CFAP263: variants seen among roughly 807,000 people sequenced by gnomAD.
CFAP263 encodes cilia- and flagella-associated protein 263.
At chr16:58,254,345 AT>A in the CFAP263 span, among the ~76,000 whole-genome samples, 1 of 152,104 alleles carries the variant, frequency 6.6e-6, no homozygotes, top group East Asian at 1.9e-4. Context: ...ATTTTTGAAC[AT>A]TTTTTTAATG....
the CFAP263 span, among the ~76,000 whole-genome samples, chr16:58,279,000 T>C: frequency 6.6e-6 from 1 of 151,972 alleles, no homozygotes; most frequent in Non-Finnish European, 1.5e-5. Context: ...AATGAGATAG[T>C]GATGGATTTT....
the CFAP263 span, chr16:58,254,035 T>A: frequency 6.2e-7 from 1 of 1,614,174 alleles, no homozygotes; most frequent in Non-Finnish European, 8.5e-7. Context: ...CGGACAGGTA[T>A]GGACCGTGGG....
chr16:58,279,812 G>T, the CFAP263 span: 2 of 1,512,728 alleles, frequency 1.3e-6, no homozygotes, highest in South Asian at 2.3e-5. Context: ...ACCACTACAT[G>T]ACCTATAAAA....
the CFAP263 span, among the ~76,000 whole-genome samples, chr16:58,264,172 C>G: frequency 6.6e-6 from 1 of 152,218 alleles, no homozygotes; most frequent in Non-Finnish European, 1.5e-5. Context: ...TATCTGATCA[C>G]TGTTATTTAT....
At chr16:58,274,691 C>T in the CFAP263 span, among the ~76,000 whole-genome samples, 1 of 152,298 alleles carries the variant, frequency 6.6e-6, no homozygotes, top group East Asian at 1.9e-4. Flanking sequence ...CCTGAGGCCT[C>T]CCTAGCCATG....
At chr16:58,259,178 G>A in the CFAP263 span, among the ~76,000 whole-genome samples, 1 of 152,056 alleles carries the variant, frequency 6.6e-6, no homozygotes, top group African/African-American at 2.4e-5. Context: ...AGCCTATCTA[G>A]AGAGGTGACT....
At chr16:58,275,279 C>T in the CFAP263 span, among the ~76,000 whole-genome samples, 1 of 148,050 alleles carries the variant, frequency 6.8e-6, no homozygotes, top group Non-Finnish European at 1.5e-5. Flanking sequence ...GAGTCTGCAG[C>T]TCCCAAGTGT....
chr16:58,282,473 A>C, the CFAP263 span: 1 of 152,346 alleles, frequency 6.6e-6, no homozygotes, highest in African/African-American at 2.4e-5. Context: ...TTTTCCAAGG[A>C]AGCCACACCA....
At chr16:58,277,126 AT>A in the CFAP263 span, among the ~76,000 whole-genome samples, 1 of 150,800 alleles carries the variant, frequency 6.6e-6, no homozygotes, top group South Asian at 2.1e-4. Context: ...TAATGTTAAA[AT>A]TTTTTTTTAA....
the CFAP263 span, among the ~76,000 whole-genome samples, chr16:58,261,920 T>G: frequency 6.6e-6 from 1 of 152,166 alleles, no homozygotes; most frequent in African/African-American, 2.4e-5. Context: ...ATCGGTGGGC[T>G]GCTTGTCCTG....
chr16:58,266,395 ATATATATATATTT>A, the CFAP263 span, among the ~76,000 whole-genome samples: 4 of 36,484 alleles, frequency 1.1e-4, no homozygotes, highest in South Asian at 9.6e-4. Context: ...ATATATATAT[ATATATATATATTT>A]TTTTTTTTTT....
chr16:58,269,884 A>G, the CFAP263 span, among the ~76,000 whole-genome samples: 3 of 152,222 alleles, frequency 2.0e-5, no homozygotes, highest in Non-Finnish European at 2.9e-5. Context: ...TGGGTTATAC[A>G]TGGTAATTCT....
chr16:58,273,776 T>C, the CFAP263 span, among the ~76,000 whole-genome samples: 1 of 152,182 alleles, frequency 6.6e-6, no homozygotes, highest in Non-Finnish European at 1.5e-5. Flanking sequence ...TTAGGTGATA[T>C]AGGAATTCTT....
chr16:58,280,855 C>T, the CFAP263 span: 7 of 1,192,880 alleles, frequency 5.9e-6, no homozygotes, highest in Non-Finnish European at 8.0e-6. Flanking sequence ...AAATGTTTTA[C>T]GCTGGTTCTC....
the CFAP263 span, among the ~76,000 whole-genome samples, chr16:58,276,979 TAA>T: frequency 6.6e-6 from 1 of 152,184 alleles, no homozygotes; most frequent in African/African-American, 2.4e-5. Flanking sequence ...GCACAAAACC[TAA>T]AAACAGTGTA....
the CFAP263 span, chr16:58,267,402 A>C: frequency 1.0e-6 from 1 of 997,028 alleles, no homozygotes; most frequent in Non-Finnish European, 1.6e-6. Flanking sequence ...TCTGTTCGTT[A>C]ACAAAGAGAT....
chr16:58,258,243 C>G, the CFAP263 span: 2 of 762,666 alleles, frequency 2.6e-6, no homozygotes, highest in South Asian at 3.8e-5. Context: ...AGGATATGTT[C>G]CTAAGACTAA....
chr16:58,252,583 C>G, the CFAP263 span: 1 of 624,340 alleles, frequency 1.6e-6, no homozygotes, highest in East Asian at 2.8e-5. Context: ...AAGTTAAGTG[C>G]TATTCTTAAT....
chr16:58,274,857 T>C, the CFAP263 span, among the ~76,000 whole-genome samples: 15,929 of 152,230 alleles, frequency 0.1, 963 homozygotes, highest in Admixed American at 0.13. Context: ...CAGTGGACAA[T>C]TTTTCCCGTA....
Sources: allele counts gnomAD v4.1 joint callset (sites outside exome capture counted in the v4.1 genomes callset), GRCh38; gene constraint gnomAD v4.1.1; transcripts MANE v1.5; gene names NCBI Gene and HGNC (gene_info 2026-07-23, HGNC 2026-07-21).